Variants in ZNF827 observed in about 807,000 individuals in gnomAD.
The protein encoded by ZNF827 is zinc finger protein 827.
A neutral mutation model predicts 102.4 loss-of-function variants in ZNF827; 13 were observed. That is an observed-to-expected ratio of 0.13 (90% CI 0.08 to 0.20). The LOEUF is 0.20. Among genes scored for constraint, ZNF827 ranks in the 10% least tolerant of loss-of-function variants. The pLI, the probability that ZNF827 is intolerant of heterozygous loss-of-function variation, is 1.00. For synonymous variants in ZNF827, 523 were observed against 536.2 expected (o/e 0.98, Z 0.34); for missense variants, 1,103 against 1,344.4 (o/e 0.82, Z 2.81).
intron 7 of ZNF827, among the ~76,000 whole-genome samples, chr4:145,845,230 C>T (rs1301080442): frequency 6.6e-6 from 1 of 152,152 alleles, no homozygotes; most frequent in Non-Finnish European, 1.5e-5. Flanking sequence ...CTGGCTCTCA[C>T]CTACAACGTT....
intron 1 of ZNF827, among the ~76,000 whole-genome samples, chr4:145,935,912 C>T (rs1305092051): frequency 2.0e-5 from 3 of 152,144 alleles, no homozygotes; most frequent in African/African-American, 7.2e-5. Context: ...GGCGTTCCAT[C>T]TCCGTCACAG....
intron 3 of ZNF827, 134 bp from the exon 4 acceptor site, chr4:145,886,292 A>G: frequency 1.2e-5 from 17 of 1,375,896 alleles, no homozygotes; most frequent in Non-Finnish European, 1.6e-5. Flanking sequence ...GCATTTCACT[A>G]TGGGGCTCCA....
chr4:145,909,872 G>A (rs1429921835), intron 1 of ZNF827, among the ~76,000 whole-genome samples: 1 of 152,144 alleles, frequency 6.6e-6, no homozygotes, highest in Non-Finnish European at 1.5e-5. Flanking sequence ...CGTCTTCAAG[G>A]CTCCAAGTCC....
chr4:145,927,802 C>G (rs774825493), intron 1 of ZNF827, among the ~76,000 whole-genome samples: 5 of 152,236 alleles, frequency 3.3e-5, no homozygotes, highest in South Asian at 2.1e-4. Context: ...GTGGGAGAAG[C>G]AGCCCTTCCC....
rs9714585 is a variant in ZNF827, at chr4:145,835,752, C to T, written c.2279+10204G>A. Among the ~76,000 whole-genome samples, 378 of 117,686 alleles carry T rather than the reference C, an allele frequency of 3.2e-3. 9 individuals carry two copies. Among genetic ancestry groups the T allele is most frequent in the African/African-American group, 5.4e-3 (175 of 32,344 alleles). 77.2% of individuals were successfully genotyped at this position (117,686 alleles called of 152,430 possible). The stretch of plus-strand genomic sequence containing the variant: ...AACGCCAGTATCCCATCCCGCAGCA[C>T]GCTTTAAAAGGATTAGAGCCTGTTA... On this transcript the variant is annotated intron_variant, in intron 7 of 14. Coordinates refer to ENST00000508784, the MANE Select transcript of ZNF827 (RefSeq NM_001306215.2).
At chr4:145,824,299 C>A (rs1472498304) in intron 7 of ZNF827, among the ~76,000 whole-genome samples, 2 of 152,198 alleles carry the variant, frequency 1.3e-5, no homozygotes, top group Admixed American at 1.3e-4. Flanking sequence ...CAGGGTCCAT[C>A]TTCCAGGCCT....
At chr4:145,837,397 A>C (rs947214751) in intron 7 of ZNF827, among the ~76,000 whole-genome samples, 15 of 152,132 alleles carry the variant, frequency 9.9e-5, no homozygotes, top group African/African-American at 3.4e-4. Flanking sequence ...AGCCCATTTA[A>C]GCTCCTGTAT....
chr4:145,871,700 C>T (rs1468655565), intron 4 of ZNF827, among the ~76,000 whole-genome samples: 4 of 152,156 alleles, frequency 2.6e-5, no homozygotes, highest in Non-Finnish European at 5.9e-5. Flanking sequence ...CCGAAGCAAA[C>T]ATCTATCACC....
In ZNF827 at chr4:145,903,052, G is replaced by A; in HGVS notation, c.207C>T (p.Thr69=). 6.2e-7 allele frequency: 1 copy of A among 1,614,208 alleles called. No homozygotes were observed. Among genetic ancestry groups the A allele is most frequent in the Non-Finnish European group, 8.5e-7 (1 of 1,180,038 alleles). ...RIQEQSTSPD[T]SLGSTTPSSH... ...TGCTGGGAGTCGTGCTTCCCAAGGA[G>A]GTGTCCGGGGACGTGGACTGCTCCT... Residue 69 remains threonine (T), a synonymous_variant, in exon 2 of 15, where the codon ACC becomes ACT. Coordinates refer to ENST00000508784, the MANE Select transcript of ZNF827 (RefSeq NM_001306215.2).
chr4:145,886,841 C>G (rs147708955), intron 3 of ZNF827, among the ~76,000 whole-genome samples: 4 of 152,284 alleles, frequency 2.6e-5, no homozygotes, highest in African/African-American at 9.6e-5. Flanking sequence ...GCTCCAGATT[C>G]TGACGTCTGC....
rs1479842733 is a variant in ZNF827, at chr4:145,870,482, T to A, written c.1748-4A>T. 3 of 1,605,236 alleles carry A rather than the reference T, an allele frequency of 1.9e-6. No individual in the cohort carries two copies. Among genetic ancestry groups the A allele is most frequent in the Admixed American group, 3.5e-5 (2 of 56,810 alleles). On this transcript the variant is annotated splice_polypyrimidine_tract_variant and splice_region_variant and intron_variant, in intron 4 of 14. Coordinates refer to ENST00000508784, the MANE Select transcript of ZNF827 (RefSeq NM_001306215.2). ...ATGGGCTCCTTCTGATTTGCAGCTG[T>A]CAAAAGAAAAAAAGGGATTATATAT...
At chr4:145,789,117 T>G (rs1006184804) in intron 8 of ZNF827, among the ~76,000 whole-genome samples, 37 of 152,346 alleles carry the variant, frequency 2.4e-4, no homozygotes, top group Admixed American at 2.1e-3. Context: ...ACCACAGCTT[T>G]CTTTCAATCA....
chr4:145,890,851 C>T (rs1188002584), intron 3 of ZNF827, among the ~76,000 whole-genome samples: 1 of 152,170 alleles, frequency 6.6e-6, no homozygotes, highest in East Asian at 1.9e-4. Flanking sequence ...AGATGAAGGG[C>T]ATGCTACTCC....
intron 5 of ZNF827, among the ~76,000 whole-genome samples, chr4:145,860,866 A>G (rs1747650264): frequency 1.3e-5 from 2 of 152,244 alleles, no homozygotes; most frequent in Non-Finnish European, 2.9e-5. Flanking sequence ...AAAAGCCATA[A>G]GAGAAAAACA....
At chr4:145,821,400 G>C (rs552732789) in intron 8 of ZNF827, among the ~76,000 whole-genome samples, 1 of 152,202 alleles carries the variant, frequency 6.6e-6, no homozygotes, top group Non-Finnish European at 1.5e-5. Flanking sequence ...GATTAATTCA[G>C]GCTGTTCTCC....
intron 8 of ZNF827, among the ~76,000 whole-genome samples, chr4:145,794,430 C>A (rs955837298): frequency 6.6e-6 from 1 of 152,120 alleles, no homozygotes; most frequent in South Asian, 2.1e-4. Context: ...ACATAGCCTG[C>A]AATCCCAGCA....
chr4:145,761,773 C>T lies in ZNF827; in HGVS notation c.*18-175G>A, dbSNP rs1174509384. Among the ~76,000 whole-genome samples, 1 of 152,216 alleles carries T rather than the reference C, an allele frequency of 6.6e-6. No individual in the cohort carries two copies. The highest frequency in any genetic ancestry group is 6.5e-5 in the Admixed American group (1 of 15,294). On this transcript the variant is annotated intron_variant, in intron 14 of 14. Coordinates refer to ENST00000508784, the MANE Select transcript of ZNF827 (RefSeq NM_001306215.2). This position sits in a 1 kb window ranked among gnomAD's most constrained non-coding sequence, Gnocchi z 6.8. ...GGTGGAACGGCCCTTTTTGGCTCTC[C>T]CTGCTGACAGAGCAGTCCCCGCTGA...
In ZNF827 at chr4:145,763,181, T is replaced by A; in HGVS notation, c.3231-59A>T. The A allele has an allele frequency of 1.3e-6, 2 of 1,507,662 alleles. No individual in the cohort carries two copies. Among genetic ancestry groups the A allele is most frequent in the Non-Finnish European group, 1.8e-6 (2 of 1,123,178 alleles). 93.4% of individuals were successfully genotyped at this position (1,507,662 alleles called of 1,614,324 possible). A position where few individuals can be genotyped will look rare whatever the true frequency, so the allele number is the denominator to read the frequency against. On this transcript the variant is annotated intron_variant, in intron 13 of 14. Transcript: ENST00000508784. The surrounding 1 kb of genome is among the most constrained non-coding windows in gnomAD (Gnocchi z 4.6). ...TTTGATCTGCATTATGAACAGGATA[T>A]AGAGTACAAGCAGTTCCATCACAGA...
At chr4:145,799,108 A>G (rs1740644094) in intron 8 of ZNF827, among the ~76,000 whole-genome samples, 1 of 152,222 alleles carries the variant, frequency 6.6e-6, no homozygotes, top group Non-Finnish European at 1.5e-5. Context: ...TATTCAAAGC[A>G]GATCTCCCGT....
Sources: gnomAD v4.1 joint callset for allele counts (sites outside exome capture counted in the v4.1 genomes callset) on GRCh38, gnomAD v4.1.1 for gene constraint, Gnocchi (gnomAD v3.1) non-coding constraint, MANE v1.5 for transcripts, NCBI Gene and HGNC (gene_info 2026-07-23, HGNC 2026-07-21) for gene names.